Variants in MAPT observed in about 807,000 individuals in gnomAD.
MAPT encodes the protein microtubule associated protein tau.
MAPT carries 34 observed loss-of-function variants against 67.9 expected under a neutral mutation model. The observed-to-expected ratio is 0.50, with a 90% CI of 0.38 to 0.67. MAPT has a LOEUF of 0.67. MAPT is among the 30% of genes least tolerant of loss of function. MAPT has a pLI of 0.00. For synonymous variants in MAPT, 456 were observed against 464.5 expected (o/e 0.98, Z 0.23); for missense variants, 881 against 1,115.2 (o/e 0.79, Z 2.99).
chr17:45,982,882 G>A lies in MAPT; in HGVS notation c.303G>A (p.Pro101=), dbSNP rs56234850. The change falls in exon 5 of 13, where the codon CCG becomes CCA. Residue 101 remains proline, a synonymous_variant. Coordinates refer to ENST00000262410, the MANE Select transcript of MAPT (RefSeq NM_001377265.1). ...TCAAACCAGAGGAGTTGAGAGTTCC[G>A]GGCCGGCAGAGGAAGGCGCCTGAAA... ...GHVTQEELRV[P]GRQRKAPERP... is the part of the protein sequence containing the mutation. 0.2 allele frequency: 256,444 copies of A among 1,311,976 alleles called. 28,041 individuals are homozygous for A. Among genetic ancestry groups the A allele is most frequent in the Non-Finnish European group, 0.22 (228,711 of 1,030,204 alleles). 81.3% of individuals were successfully genotyped at this position (1,311,976 alleles called of 1,614,324 possible).
Position 45,994,029 on chromosome 17 carries a change from A to C in MAPT, c.1733-2370A>C. The C allele has an allele frequency of 2.7e-6, 4 of 1,508,036 alleles. No individual in the cohort carries two copies. In the South Asian group the frequency reaches 4.9e-5, roughly 18 times the overall value. 93.4% of individuals were successfully genotyped at this position (1,508,036 alleles called of 1,614,324 possible). A position where few individuals can be genotyped will look rare whatever the true frequency, so the allele number is the denominator to read the frequency against. The stretch of plus-strand genomic sequence containing the variant: ...GCAGCCTCCCTTTGCGTGTGTGGCC[A>C]TTCACTGGCTTGTGTTTCTAGAGCC... On this transcript the variant is annotated intron_variant, in intron 8 of 12. Transcript: ENST00000262410.
intron 12 of MAPT, among the ~76,000 whole-genome samples, chr17:46,022,496 G>A (rs1432568899): frequency 6.6e-6 from 1 of 151,650 alleles, no homozygotes; most frequent in East Asian, 1.9e-4. Context: ...TCAAGCCCCT[G>A]CAATAGGGGC....
intron 1 of MAPT, among the ~76,000 whole-genome samples, chr17:45,955,810 A>G (rs1036308345): frequency 6.6e-6 from 1 of 151,494 alleles, no homozygotes; most frequent in African/African-American, 2.4e-5. Flanking sequence ...ATCTCAGCTC[A>G]CTGCAACCTC....
intron 3 of MAPT, chr17:45,976,054 GC>G (rs1189642635): frequency 6.6e-6 from 1 of 152,284 alleles, no homozygotes; most frequent in Non-Finnish European, 1.5e-5. Flanking sequence ...TGAAGATCTG[GC>G]TGCAGCCTCA....
Position 46,024,027 on chromosome 17 carries a change from C to T in MAPT, c.2358C>T (p.Tyr786=), listed in dbSNP as rs760675355. 5 of 1,613,990 alleles carry T rather than the reference C, an allele frequency of 3.1e-6. No individual in the cohort carries two copies. Among genetic ancestry groups the T allele is most frequent in the Non-Finnish European group, 8.5e-7 (1 of 1,180,040 alleles). ...CAGACCACGGGGCGGAGATCGTGTA[C>T]AAGTCGCCAGTGGTGTCTGGGGACA... ...AKTDHGAEIV[Y]KSPVVSGDTS... The change falls in exon 13 of 13, where the codon TAC becomes TAT. Residue 786 remains tyrosine, a synonymous_variant. Coordinates refer to ENST00000262410, the MANE Select transcript of MAPT (RefSeq NM_001377265.1).
At chr17:45,933,081 T>TCAAA (rs1308070443) in intron 1 of MAPT, among the ~76,000 whole-genome samples, 2 of 146,718 alleles carry the variant, frequency 1.4e-5, no homozygotes, top group African/African-American at 4.9e-5. Flanking sequence ...AAACTCTGTT[T>TCAAA]CAAACAAACA....
rs2074421149 is a variant in MAPT, at chr17:45,995,770, G to C, written c.1733-629G>C. On this transcript the variant is annotated intron_variant, in intron 8 of 12. Transcript: ENST00000262410. This position sits in a 1 kb window ranked among gnomAD's most constrained non-coding sequence, Gnocchi z 4.3. Reference sequence around the variant, plus strand: ...CAGGCAGGCGTGGAGCAGGCATCCTGTTCTGAAGGCCAAATCCCACAGAGG... The same window carrying C: ...CAGGCAGGCGTGGAGCAGGCATCCTCTTCTGAAGGCCAAATCCCACAGAGG... 6.6e-6 allele frequency among the ~76,000 whole-genome samples: 1 copy of C among 152,162 alleles called. No individual in the cohort carries two copies. The highest frequency in any genetic ancestry group is 1.5e-5 in the Non-Finnish European group (1 of 68,022).
intron 1 of MAPT, chr17:45,898,902 T>G (rs1050957600): frequency 1.3e-5 from 2 of 152,320 alleles, no homozygotes; most frequent in Admixed American, 1.3e-4. Flanking sequence ...TGCTCTTTCC[T>G]CCACCACCAC....
chr17:45,969,602 C>T (rs1387810154), intron 2 of MAPT, among the ~76,000 whole-genome samples: 3 of 138,716 alleles, frequency 2.2e-5, no homozygotes, highest in Non-Finnish European at 5.1e-5. Flanking sequence ...TCCTTCCTAT[C>T]ATCCATCCAA....
In MAPT at chr17:45,896,130, G is replaced by A. The variant is rs1421602679; in HGVS notation, c.-18+1444G>A. 3 of 152,124 alleles carry A rather than the reference G, an allele frequency of 2.0e-5. No individual in the cohort carries two copies. The highest frequency in any genetic ancestry group is 1.3e-4 in the Admixed American group (2 of 15,280). The allele number at this position is 152,124 out of a possible 1,614,324, so 9.4% of individuals were successfully genotyped here. A position where few individuals can be genotyped will look rare whatever the true frequency, so the allele number is the denominator to read the frequency against. On this transcript the variant is annotated intron_variant, in intron 1 of 12. Transcript: ENST00000262410. This position sits in a 1 kb window ranked among gnomAD's most constrained non-coding sequence, Gnocchi z 5.6. ...CATTGTTGGATCTCGAGGCTTGCTG[G>A]GTTCGATGAACTCGAGTCAACCCCC...
chr17:45,952,466 C>G (rs1376731851), intron 1 of MAPT, among the ~76,000 whole-genome samples: 1 of 152,132 alleles, frequency 6.6e-6, no homozygotes, highest in Non-Finnish European at 1.5e-5. Flanking sequence ...ATTGAAAAAC[C>G]CATACAAAAT....
chr17:45,941,921 G>A (rs533273438), intron 1 of MAPT, among the ~76,000 whole-genome samples: 1 of 151,924 alleles, frequency 6.6e-6, no homozygotes, highest in African/African-American at 2.4e-5. Flanking sequence ...TTTTCTTCCT[G>A]ATCCAAATTC....
chr17:45,989,438 C>G (rs2073878652), intron 6 of MAPT, among the ~76,000 whole-genome samples: 1 of 152,080 alleles, frequency 6.6e-6, no homozygotes, highest in Non-Finnish European at 1.5e-5. Flanking sequence ...ATCACGAGGT[C>G]AGGAGATCGA....
intron 9 of MAPT, among the ~76,000 whole-genome samples, chr17:46,001,252 T>C (rs117499775): frequency 0.022 from 3,353 of 152,244 alleles, 59 homozygotes; most frequent in Non-Finnish European, 0.038. Context: ...TCCTGTACGT[T>C]ATATTAAGGT....
chr17:45,923,833 G>T (rs1293286344), intron 1 of MAPT, among the ~76,000 whole-genome samples: 1 of 152,162 alleles, frequency 6.6e-6, no homozygotes, highest in Non-Finnish European at 1.5e-5. Flanking sequence ...AGCTCTGCCA[G>T]GTCCTAACTG....
At position 45,982,894 on chromosome 17, in the gene MAPT, G is replaced by GAAGGCGCCTGA; in HGVS notation, c.321_331dup (p.Pro111ArgfsTer41). On this transcript the variant is annotated frameshift_variant, in exon 5 of 13. Transcript: ENST00000262410. LOFTEE classifies it high-confidence loss of function. ...AGTTGAGAGTTCCGGGCCGGCAGAG[G>GAAGGCGCCTGA]AAGGCGCCTGAAAGGCCCCTGGCCA... 7.5e-7 allele frequency: 1 copy of GAAGGCGCCTGA among 1,328,304 alleles called. No individual in the cohort carries two copies. Among genetic ancestry groups the GAAGGCGCCTGA allele is most frequent in the Non-Finnish European group, 9.6e-7 (1 of 1,040,286 alleles). The allele number at this position is 1,328,304 out of a possible 1,614,324, so 82.3% of individuals were successfully genotyped here.
rs527637628 is a variant in MAPT, at chr17:45,971,247, G to C, written c.134-612G>C. 3.9e-5 allele frequency among the ~76,000 whole-genome samples: 6 copies of C among 152,308 alleles called. No individual in the cohort carries two copies. Among genetic ancestry groups the C allele is most frequent in the African/African-American group, 1.4e-4 (6 of 41,570 alleles). ...GATCATTTGGGCCTCTCTTGCCCAG[G>C]CTTCCCATTCTGAAAGGACAGTTTT... On this transcript the variant is annotated intron_variant, in intron 2 of 12. Coordinates refer to ENST00000262410, the MANE Select transcript of MAPT (RefSeq NM_001377265.1). This position sits in a 1 kb window ranked among gnomAD's most constrained non-coding sequence, Gnocchi z 4.3.
At chr17:46,022,232 G>A (rs2076571181) in intron 12 of MAPT, among the ~76,000 whole-genome samples, 1 of 151,784 alleles carries the variant, frequency 6.6e-6, no homozygotes, top group Non-Finnish European at 1.5e-5. Context: ...GCACACACCT[G>A]TAGTCCCAGC....
chr17:45,962,513 C>T, intron 2 of MAPT, 43 bp downstream of exon 2: 1 of 1,610,090 alleles, frequency 6.2e-7, no homozygotes, highest in Non-Finnish European at 8.5e-7. Flanking sequence ...TCACTGCAAG[C>T]CAAGGGGTGG....
Sources: gnomAD v4.1 joint callset for allele counts (sites outside exome capture counted in the v4.1 genomes callset) on GRCh38, gnomAD v4.1.1 for gene constraint, Gnocchi (gnomAD v3.1) non-coding constraint, MANE v1.5 for transcripts, NCBI Gene and HGNC (gene_info 2026-07-23, HGNC 2026-07-21) for gene names.